STK3: variants seen among roughly 807,000 people sequenced by gnomAD.
STK3 encodes the protein serine/threonine-protein kinase 3.
In STK3, 41 loss-of-function variants were observed where a neutral mutation model predicts 58.0. That is an observed-to-expected ratio of 0.71 (90% CI 0.55 to 0.92). The LOEUF is 0.92. STK3 is among the 40% of genes least tolerant of loss of function. STK3 has a pLI of 0.00. For missense variants in STK3, 479 were observed against 602.7 expected, an observed-to-expected ratio of 0.79 and a Z score of 2.15; for synonymous variants, 170 against 191.0, an observed-to-expected ratio of 0.89 and a Z score of 0.91.
chr8:98,410,950 GACA>G (rs748091631), intron 3 of STK3, among the ~76,000 whole-genome samples: 11 of 152,122 alleles, frequency 7.2e-5, no homozygotes, highest in Non-Finnish European at 1.2e-4. Flanking sequence ...GTGTATTCTT[GACA>G]ACAACATGTC....
chr8:98,833,185 C>G (rs1388700296), intron 3 of STK3, among the ~76,000 whole-genome samples: 17 of 152,098 alleles, frequency 1.1e-4, no homozygotes, highest in Non-Finnish European at 5.9e-5. Flanking sequence ...ATTGGTGTGG[C>G]CTGGAAAGGC....
chr8:98,797,581 T>C (rs747489457), intron 1 of STK3, among the ~76,000 whole-genome samples: 2 of 152,198 alleles, frequency 1.3e-5, no homozygotes, highest in East Asian at 1.9e-4. Context: ...TTTGAGGTGG[T>C]AGAAATGTTC....
chr8:98,456,094 T>A, intron 10 of STK3, 94 bp from the exon 11 acceptor site: 2 of 1,225,940 alleles, frequency 1.6e-6, no homozygotes, highest in Non-Finnish European at 2.2e-6. Context: ...TAATGAGTTT[T>A]AACATAAATA....
chr8:98,587,418 T>G (rs1371609164), intron 7 of STK3, among the ~76,000 whole-genome samples: 5 of 152,246 alleles, frequency 3.3e-5, no homozygotes, highest in African/African-American at 9.6e-5. Flanking sequence ...TTGAGTGAGA[T>G]TCTTAATCCT....
intron 1 of STK3, among the ~76,000 whole-genome samples, chr8:98,444,293 G>A (rs147178787): frequency 6.6e-6 from 1 of 152,312 alleles, no homozygotes; most frequent in East Asian, 1.9e-4. Context: ...GGCAGATGTA[G>A]GTCACTTAAA....
intron 10 of STK3, among the ~76,000 whole-genome samples, chr8:98,513,233 C>T (rs1824657538): frequency 6.6e-6 from 1 of 152,164 alleles, no homozygotes; most frequent in South Asian, 2.1e-4. Flanking sequence ...AATCGCCAAC[C>T]TTGAGTTTAC....
chr8:98,774,937 A>C, intron 1 of STK3, 118 bp from the exon 2 acceptor site: 1 of 613,930 alleles, frequency 1.6e-6, no homozygotes, highest in Non-Finnish European at 2.6e-6. Flanking sequence ...AGAAGACTCA[A>C]ACAATATAAA....
downstream of STK3, among the ~76,000 whole-genome samples, chr8:98,454,210 T>C (rs577738682): frequency 6.6e-6 from 1 of 152,188 alleles, no homozygotes; most frequent in African/African-American, 2.4e-5. Flanking sequence ...TCATCAGCTT[T>C]TCCTGTTCTC....
chr8:98,673,351 T>C (rs1822963809), intron 6 of STK3, among the ~76,000 whole-genome samples: 2 of 152,154 alleles, frequency 1.3e-5, no homozygotes, highest in Admixed American at 6.5e-5. Context: ...CTGTAAGCTG[T>C]AGATATAGTA....
intron 3 of STK3, among the ~76,000 whole-genome samples, chr8:98,850,233 G>C (rs1357728422): frequency 6.6e-6 from 1 of 152,084 alleles, no homozygotes; most frequent in Non-Finnish European, 1.5e-5. Context: ...CTATTCACAG[G>C]GACAATCATA....
At chr8:98,689,273 T>A (rs916205663) in intron 6 of STK3, among the ~76,000 whole-genome samples, 2 of 152,008 alleles carry the variant, frequency 1.3e-5, no homozygotes, top group African/African-American at 2.4e-5. Flanking sequence ...CACCTACCAA[T>A]GAACAAAATC....
chr8:98,392,603 CT>C (rs1448490078), upstream of STK3, among the ~76,000 whole-genome samples: 1 of 152,250 alleles, frequency 6.6e-6, no homozygotes, highest in Non-Finnish European at 1.5e-5. Context: ...GCCCTCTCTT[CT>C]CAGACTGCCC....
At chr8:98,815,328 A>G (rs983372058) in intron 1 of STK3, among the ~76,000 whole-genome samples, 5 of 152,240 alleles carry the variant, frequency 3.3e-5, no homozygotes, top group African/African-American at 9.6e-5. Context: ...GAAAGAAAAA[A>G]TCAGTTATCC....
intron 2 of STK3, among the ~76,000 whole-genome samples, chr8:98,372,278 A>C (rs1817617772): frequency 6.6e-6 from 1 of 152,198 alleles, no homozygotes. Context: ...TAAGCCACTC[A>C]GTTTGCAGTA....
At chr8:98,845,925 G>A (rs1836183269) in intron 3 of STK3, among the ~76,000 whole-genome samples, 1 of 152,190 alleles carries the variant, frequency 6.6e-6, no homozygotes, top group African/African-American at 2.4e-5. Flanking sequence ...TTAAAGACCA[G>A]GCTGCCTTTA....
intron 9 of STK3, among the ~76,000 whole-genome samples, chr8:98,533,486 A>G (rs1339610705): frequency 6.6e-6 from 1 of 151,960 alleles, no homozygotes; most frequent in Non-Finnish European, 1.5e-5. Context: ...GGGTGGGTGG[A>G]CTGACTGATT....
chr8:98,871,058 A>G (rs1165536302), intron 3 of STK3, among the ~76,000 whole-genome samples: 5 of 152,206 alleles, frequency 3.3e-5, no homozygotes, highest in Admixed American at 1.3e-4. Context: ...AGCTTTCTAC[A>G]TATGGCTAGC....
rs187558501 is a variant in STK3, at chr8:98,591,213, C to T, written c.822+4819G>A. On this transcript the variant is annotated intron_variant, in intron 7 of 10. Transcript: ENST00000419617. ...GCATGGAGGTATTAATAAGTCCCAG[C>T]TCCCAGTGAGCTATGCGATCATGAG... Among the ~76,000 whole-genome samples, 1,401 of 152,270 alleles carry T rather than the reference C, an allele frequency of 9.2e-3. 18 individuals are homozygous for T. The highest frequency in any genetic ancestry group is 0.032 in the African/African-American group (1,324 of 41,532).
chr8:98,430,455 A>G (rs1021403674), intron 3 of STK3: 9 of 167,264 alleles, frequency 5.4e-5, no homozygotes, highest in African/African-American at 2.2e-4. Flanking sequence ...TTGGGTTGCT[A>G]GCAAGGGCAG....
Sources: allele counts gnomAD v4.1 joint callset (sites outside exome capture counted in the v4.1 genomes callset), GRCh38; gene constraint gnomAD v4.1.1; transcripts MANE v1.5; gene names NCBI Gene and HGNC (gene_info 2026-07-23, HGNC 2026-07-21).